The following RTF1 variants were observed in gnomAD, a reference collection of about 807,000 sequenced individuals.
RTF1 encodes the protein RTF1 homolog, Paf1/RNA polymerase II complex component, also known as RNA polymerase-associated protein RTF1 homolog.
RTF1 carries 10 observed loss-of-function variants against 95.7 expected under a neutral mutation model. The ratio of observed to expected loss-of-function variants is 0.10; its 90% CI spans 0.06 to 0.18. RTF1 has a LOEUF of 0.18. RTF1 is among the 10% of genes least tolerant of loss of function. The pLI, the probability that RTF1 is intolerant of heterozygous loss-of-function variation, is 1.00. For missense variants in RTF1, 458 were observed against 875.6 expected (o/e 0.52, Z 6.02); for synonymous variants, 305 against 311.8 (o/e 0.98, Z 0.23).
chr15:41,444,072 A>G (rs1241419658), intron 2 of RTF1, among the ~76,000 whole-genome samples: 1 of 150,292 alleles, frequency 6.7e-6, no homozygotes, highest in Non-Finnish European at 1.5e-5. Flanking sequence ...CATCTCAAAA[A>G]AAAACAAAGA....
chr15:41,440,919 A>G (rs2050730396), intron 2 of RTF1, among the ~76,000 whole-genome samples: 1 of 151,266 alleles, frequency 6.6e-6, no homozygotes, highest in South Asian at 2.1e-4. Context: ...TTAAATGCCT[A>G]GACAATACAG....
At position 41,417,123 on chromosome 15, in the gene RTF1, G is replaced by C. The variant is rs1320783662; in HGVS notation, c.8G>C (p.Gly3Ala). 1.2e-4 allele frequency: 144 copies of C among 1,242,992 alleles called. No individual in the cohort carries two copies. The highest frequency in any genetic ancestry group is 1.4e-4 in the Non-Finnish European group (139 of 989,168). 77.0% of individuals were successfully genotyped at this position (1,242,992 alleles called of 1,614,324 possible). Residue 3 changes from glycine (G) to alanine (A), a missense_variant, in exon 1 of 18, where the codon GGT (glycine) becomes GCT (alanine). Physicochemically the swap from Gly to Ala is moderately conservative, Grantham distance 60. This residue lies in a region of RTF1 where 81 missense variants were observed against 59.9 expected (regional missense o/e 1.35). Transcript: ENST00000389629. MR[G>A]RLCVGRAAAA... is the part of the protein sequence containing the mutation. ...GGGCGGAGCGGAGCGCGCATGCGCG[G>C]TCGCCTTTGTGTGGGTCGAGCAGCG...
In RTF1 at chr15:41,434,218, A is replaced by G. The variant is rs536584362; in HGVS notation, c.199-4103A>G. ...AGCTGGTCTCAAACTTTTGGGCTCA[A>G]GCGGTCCTCCCACCTTGGCTTCCCA... On this transcript the variant is annotated intron_variant, in intron 1 of 17. Coordinates refer to ENST00000389629, the MANE Select transcript of RTF1 (RefSeq NM_015138.5). Among the ~76,000 whole-genome samples the G allele has an allele frequency of 2.6e-5, 4 of 151,082 alleles. No individual in the cohort carries two copies. In the East Asian group the frequency reaches 7.8e-4, roughly 29 times the overall value.
intron 9 of RTF1, 131 bp downstream of exon 9, chr15:41,474,833 TG>T: frequency 1.4e-6 from 1 of 722,340 alleles, no homozygotes; most frequent in Non-Finnish European, 2.5e-6. Context: ...AAGGTACACT[TG>T]GAGGGAGACT....
chr15:41,454,737 C>A (rs1408816557), intron 3 of RTF1, among the ~76,000 whole-genome samples: 1 of 152,134 alleles, frequency 6.6e-6, no homozygotes. Flanking sequence ...AGTATTCTTG[C>A]CAAAAATTCA....
At chr15:41,422,279 G>A (rs1330523450) in intron 1 of RTF1, among the ~76,000 whole-genome samples, 2 of 152,092 alleles carry the variant, frequency 1.3e-5, no homozygotes, top group East Asian at 1.9e-4. Context: ...CCAGCACCTG[G>A]CCTTATTTTA....
At chr15:41,428,943 G>A (rs575224226) in intron 1 of RTF1, among the ~76,000 whole-genome samples, 1 of 152,102 alleles carries the variant, frequency 6.6e-6, no homozygotes, top group Non-Finnish European at 1.5e-5. Flanking sequence ...CGTCATGTTG[G>A]CCAGGCTGGT....
intron 1 of RTF1, among the ~76,000 whole-genome samples, chr15:41,418,136 C>A (rs771524572): frequency 2.0e-5 from 3 of 152,176 alleles, no homozygotes; most frequent in Non-Finnish European, 4.4e-5. Context: ...TGTTTATATA[C>A]TCTAGAAAAC....
chr15:41,464,450 T>C (rs1048779359), intron 4 of RTF1, among the ~76,000 whole-genome samples: 2 of 151,560 alleles, frequency 1.3e-5, no homozygotes, highest in Admixed American at 6.6e-5. Flanking sequence ...GGTTTCACCA[T>C]GTTGGCCAGG....
intron 2 of RTF1, among the ~76,000 whole-genome samples, chr15:41,441,066 G>C (rs1460901273): frequency 6.7e-6 from 1 of 149,702 alleles, no homozygotes; most frequent in Non-Finnish European, 1.5e-5. Flanking sequence ...CCGCCTCCTG[G>C]GCTCACTCCA....
chr15:41,472,237 G>A (rs190819933), intron 8 of RTF1, among the ~76,000 whole-genome samples: 2 of 128,692 alleles, frequency 1.6e-5, no homozygotes, highest in African/African-American at 3.0e-5. Flanking sequence ...ACAGAGTTTC[G>A]CTTTTGTCGC....
At chr15:41,461,934 T>C (rs1332318064) in intron 4 of RTF1, among the ~76,000 whole-genome samples, 1 of 151,096 alleles carries the variant, frequency 6.6e-6, no homozygotes, top group Non-Finnish European at 1.5e-5. Flanking sequence ...TTTTTTTTTT[T>C]TTAGAGAGGG....
At position 41,474,622 on chromosome 15, in the gene RTF1, C is replaced by T. The variant is rs774225957; in HGVS notation, c.1206C>T (p.Val402=). Residue 402 remains valine (V), a splice_region_variant and synonymous_variant, in exon 9 of 18, where the codon GTC becomes GTT. Transcript: ENST00000389629. ...GNHNSKPVYR[V]AEITGVVETA... is the part of the protein sequence containing the mutation. ...GGCGTCTCTGTCCTCTCACTTAGGT[C>T]GCTGAGATTACGGGTGTTGTGGAAA... 2.4e-5 allele frequency: 39 copies of T among 1,611,940 alleles called. No homozygotes were observed. In the Middle Eastern group the frequency reaches 6.6e-4, roughly 27 times the overall value.
At chr15:41,477,378 A>G in intron 13 of RTF1, 80 bp from the exon 14 acceptor site, 8 of 1,612,400 alleles carry the variant, frequency 5.0e-6, no homozygotes, top group Non-Finnish European at 5.9e-6. Context: ...CACTGACCCC[A>G]TAGATATCTG....
At chr15:41,477,076 T>C (rs1406958334) in intron 12 of RTF1, 89 bp from the exon 13 acceptor site, 2 of 1,544,386 alleles carry the variant, frequency 1.3e-6, no homozygotes, top group Admixed American at 1.7e-5. Flanking sequence ...ACATGAGATA[T>C]CTTTGCCTGT....
chr15:41,460,494 G>A (rs902515706), intron 4 of RTF1, among the ~76,000 whole-genome samples: 13 of 152,136 alleles, frequency 8.5e-5, no homozygotes, highest in Non-Finnish European at 1.5e-4. Context: ...AATAAACTGT[G>A]CTGGAGTTAC....
At chr15:41,436,959 C>G (rs1159800581) in intron 1 of RTF1, among the ~76,000 whole-genome samples, 1 of 151,024 alleles carries the variant, frequency 6.6e-6, no homozygotes, top group Admixed American at 6.6e-5. Context: ...TGGTGGCACA[C>G]CCCTGTAGTC....
At chr15:41,434,309 T>G (rs180771892) in intron 1 of RTF1, among the ~76,000 whole-genome samples, 1 of 152,178 alleles carries the variant, frequency 6.6e-6, no homozygotes, top group East Asian at 1.9e-4. Context: ...GGTAAATGGT[T>G]CAACAAACTG....
At chr15:41,477,417 C>T (rs1281659035) in intron 13 of RTF1, 41 bp from the exon 14 acceptor site, 4 of 1,613,348 alleles carry the variant, frequency 2.5e-6, no homozygotes, top group Non-Finnish European at 3.4e-6. Flanking sequence ...TCCCTCCCTC[C>T]CTTGTTTCAC....
Sources: gnomAD v4.1 joint callset for allele counts (sites outside exome capture counted in the v4.1 genomes callset) on GRCh38, gnomAD v4.1.1 for gene constraint, gnomAD v4.1.1 regional missense constraint, MANE v1.5 for transcripts, NCBI Gene and HGNC (gene_info 2026-07-23, HGNC 2026-07-21) for gene names.